Variants in CFAP206 observed in about 807,000 individuals in gnomAD.
CFAP206 encodes cilia and flagella associated protein 206.
A neutral mutation model predicts 65.4 loss-of-function variants in CFAP206; 53 were observed. The ratio of observed to expected loss-of-function variants is 0.81; its 90% confidence interval spans 0.65 to 1.02. The LOEUF is 1.02. Among genes scored for constraint, CFAP206 ranks in the 50% least tolerant of loss-of-function variants. The pLI is 0.00. For missense variants in CFAP206, 663 were observed against 753.2 expected, an observed-to-expected ratio of 0.88 and a Z score of 1.40; for synonymous variants, 250 against 254.4, an observed-to-expected ratio of 0.98 and a Z score of 0.17.
chr6:87,444,709 A>G lies in CFAP206; in HGVS notation c.1494+9656A>G, dbSNP rs1768415466. 7 of 351,572 alleles carry G rather than the reference A, an allele frequency of 2.0e-5. No homozygotes were observed. The East Asian group carries it at 3.7e-4, about 18-fold the overall frequency. The allele number at this position is 351,572 out of a possible 1,614,324, so 21.8% of individuals were successfully genotyped here. A position where few individuals can be genotyped will look rare whatever the true frequency, so the allele number is the denominator to read the frequency against. Reference sequence around the variant, plus strand: ...TGCTCTTTTCTGAGCCTTTTTAACTATTTTTTCTTTGATCGCTCACTCTTC... The same window carrying G: ...TGCTCTTTTCTGAGCCTTTTTAACTGTTTTTTCTTTGATCGCTCACTCTTC... On this transcript the variant is annotated intron_variant, in intron 11 of 12. Transcript: ENST00000369562.
At chr6:87,439,929 C>G (rs1768337973) in intron 11 of CFAP206, among the ~76,000 whole-genome samples, 2 of 152,058 alleles carry the variant, frequency 1.3e-5, no homozygotes, top group South Asian at 4.1e-4. Context: ...GTCTTGATAT[C>G]TGGTAGAGTA....
In CFAP206 at chr6:87,413,899, A is replaced by G; in HGVS notation, c.282A>G (p.Arg94=). ...QVYFDMNYTN[R]VEFLEEHHRV... is the part of the protein sequence containing the mutation. The stretch of plus-strand genomic sequence containing the variant: ...ACTTCGATATGAATTATACGAATCG[A>G]GGTAATGTATACTACCTATTTTTAT... Residue 94 remains arginine, a splice_region_variant and synonymous_variant, in exon 4 of 13, where the codon CGA becomes CGG. Coordinates refer to ENST00000369562, the MANE Select transcript of CFAP206 (RefSeq NM_001031743.3). The G allele has an allele frequency of 1.3e-6, 2 of 1,512,504 alleles. 1 individual carries two copies. The highest frequency in any genetic ancestry group is 2.7e-5 in the South Asian group (2 of 74,320). The allele number at this position is 1,512,504 out of a possible 1,614,324, so 93.7% of individuals were successfully genotyped here. A position where few individuals can be genotyped will look rare whatever the true frequency, so the allele number is the denominator to read the frequency against.
At chr6:87,428,489 C>A in intron 8 of CFAP206, 137 bp from the exon 9 acceptor site, 1 of 694,572 alleles carries the variant, frequency 1.4e-6, no homozygotes, top group Non-Finnish European at 2.4e-6. Context: ...CTAAAGTCTA[C>A]TGTCTAAGTT....
Position 87,430,777 on chromosome 6 carries a change from T to C in CFAP206, c.1160-256T>C, listed in dbSNP as rs1001529225. On this transcript the variant is annotated intron_variant, in intron 9 of 12. Coordinates refer to ENST00000369562, the MANE Select transcript of CFAP206 (RefSeq NM_001031743.3). ...CAGAAATGGCCTCTCCTTTCTGTTC[T>C]TCATTCTGGAGCAAAATCCTACCTC... is the stretch of plus-strand genomic sequence containing the variant. Among the ~76,000 whole-genome samples, 7 of 152,320 alleles carry C rather than the reference T, an allele frequency of 4.6e-5. No individual in the cohort carries two copies. In the East Asian group the frequency reaches 1.2e-3, roughly 25 times the overall value.
chr6:87,435,520 T>A (rs188174944), intron 11 of CFAP206: 1 of 152,904 alleles, frequency 6.5e-6, no homozygotes, highest in East Asian at 1.9e-4. Context: ...AAGCCACTTA[T>A]TGTGTGTCAG....
intron 7 of CFAP206, among the ~76,000 whole-genome samples, chr6:87,423,199 G>A (rs929511589): frequency 4.0e-5 from 6 of 151,838 alleles, no homozygotes; most frequent in Middle Eastern, 3.4e-3. Context: ...GATTACAGGC[G>A]TGAGCCACTG....
In CFAP206 at chr6:87,440,622, C is replaced by A. The variant is rs139175344; in HGVS notation, c.1494+5569C>A. ...GCAATCATTTTCTTAAGACTCAACTCATAGATGGAAAATTTTAATTGCTAA... is the reference window on the plus strand; with the variant it reads ...GCAATCATTTTCTTAAGACTCAACTAATAGATGGAAAATTTTAATTGCTAA... On this transcript the variant is annotated intron_variant, in intron 11 of 12. Transcript: ENST00000369562. 3.0e-3 allele frequency among the ~76,000 whole-genome samples: 454 copies of A among 152,210 alleles called. 2 individuals are homozygous for A. The highest frequency in any genetic ancestry group is 0.011 in the African/African-American group (439 of 41,528).
Position 87,439,900 on chromosome 6 carries a change from A to G in CFAP206, c.1494+4847A>G, listed in dbSNP as rs148084206. On this transcript the variant is annotated intron_variant, in intron 11 of 12. Transcript: ENST00000369562. ...ATTTTAAAAAAAATCCTATACTGAT[A>G]TCTTCAATAGCTTTATAAGTCTTGA... is the stretch of plus-strand genomic sequence containing the variant. Among the ~76,000 whole-genome samples the G allele has an allele frequency of 2.2e-4, 33 of 152,218 alleles. No homozygotes were observed. In the East Asian group the frequency reaches 6.0e-3, roughly 28 times the overall value.
chr6:87,423,941 A>G (rs1415012130), intron 7 of CFAP206, among the ~76,000 whole-genome samples: 1 of 152,254 alleles, frequency 6.6e-6, no homozygotes, highest in Non-Finnish European at 1.5e-5. Flanking sequence ...GTCATTTAAA[A>G]GAGTCTAGAA....
chr6:87,423,180 A>G (rs775187913), intron 7 of CFAP206, among the ~76,000 whole-genome samples: 9 of 152,020 alleles, frequency 5.9e-5, no homozygotes, highest in Non-Finnish European at 1.0e-4. Flanking sequence ...CAGCCTCCCA[A>G]AGTGCTGGGA....
At chr6:87,416,024 C>T in intron 5 of CFAP206, 150 bp downstream of exon 5, 1 of 613,404 alleles carries the variant, frequency 1.6e-6, no homozygotes, top group Non-Finnish European at 2.6e-6. Flanking sequence ...TAAAATGTAC[C>T]CAGTCTCCTT....
chr6:87,415,774 A>G lies in CFAP206; in HGVS notation c.372A>G (p.Lys124=). 1 of 1,613,788 alleles carries G rather than the reference A, an allele frequency of 6.2e-7. No individual in the cohort carries two copies. Among genetic ancestry groups the G allele is most frequent in the Non-Finnish European group, 8.5e-7 (1 of 1,179,826 alleles). ...REITDNRACA[K]EELESLYRKI... ...TTACAGATAACAGAGCATGTGCTAA[A>G]GAAGAATTGGAAAGCCTCTACCGGA... Residue 124 remains lysine, a synonymous_variant, in exon 5 of 13, where the codon AAA becomes AAG. Transcript: ENST00000369562.
rs6454619 is a variant in CFAP206 at position 87,421,895 on chromosome 6, A to G, written c.840+3479A>G. Among the ~76,000 whole-genome samples the G allele has an allele frequency of 7.3e-3, 1,114 of 152,252 alleles. 21 individuals are homozygous for G. Among genetic ancestry groups the G allele is most frequent in the African/African-American group, 0.026 (1,061 of 41,550 alleles). Reference sequence around the variant, plus strand: ...AGGTGGAATTTGTGCTTGTTTTATTATATTTTATTTCTGTTGTAATAAGAA... The same window carrying G: ...AGGTGGAATTTGTGCTTGTTTTATTGTATTTTATTTCTGTTGTAATAAGAA... On this transcript the variant is annotated intron_variant, in intron 7 of 12. Transcript: ENST00000369562.
intron 11 of CFAP206, among the ~76,000 whole-genome samples, chr6:87,437,226 C>T (rs537583496): frequency 5.9e-5 from 9 of 152,294 alleles, no homozygotes; most frequent in Admixed American, 5.9e-4. Context: ...CCTTGGCCTC[C>T]CAAAGTGCTG....
intron 11 of CFAP206, among the ~76,000 whole-genome samples, chr6:87,455,731 C>G (rs1562010956): frequency 6.6e-6 from 1 of 152,106 alleles, no homozygotes; most frequent in Non-Finnish European, 1.5e-5. Context: ...CTACTATTAG[C>G]AACTACATGC....
At chr6:87,425,657 TAAA>T (rs1477924135) in intron 7 of CFAP206, 3 of 152,150 alleles carry the variant, frequency 2.0e-5, no homozygotes, top group Non-Finnish European at 4.4e-5. Context: ...GGCATGAAAA[TAAA>T]AACTGAAAAC....
chr6:87,446,482 G>T (rs935093414), intron 11 of CFAP206, among the ~76,000 whole-genome samples: 1 of 151,860 alleles, frequency 6.6e-6, no homozygotes, highest in Admixed American at 6.6e-5. Flanking sequence ...TTTCCCCATT[G>T]GTTGTCAAAG....
chr6:87,424,311 G>A lies in CFAP206; in HGVS notation c.841-2215G>A, dbSNP rs186069762. ...TTTTATTTTTTTGGGACAGAGTCTC[G>A]CTCTGTTGCCCAAGCTGGAGTGCAG... On this transcript the variant is annotated intron_variant, in intron 7 of 12. Transcript: ENST00000369562. Among the ~76,000 whole-genome samples the A allele has an allele frequency of 9.5e-4, 145 of 151,942 alleles. 2 individuals carry two copies. In the East Asian group the frequency reaches 0.02, roughly 21 times the overall value.
intron 11 of CFAP206, among the ~76,000 whole-genome samples, chr6:87,454,154 A>G (rs547288028): frequency 6.6e-6 from 1 of 152,382 alleles, no homozygotes; most frequent in African/African-American, 2.4e-5. Context: ...GAAGATCATT[A>G]TATGATAAAA....
Sources: allele counts gnomAD v4.1 joint callset (sites outside exome capture counted in the v4.1 genomes callset), GRCh38; gene constraint gnomAD v4.1.1; transcripts MANE v1.5; gene names NCBI Gene and HGNC (gene_info 2026-07-23, HGNC 2026-07-21).